Variants in SORCS2 observed in about 807,000 individuals in gnomAD.
SORCS2 encodes the protein VPS10 domain-containing receptor SorCS2.
SORCS2 carries 100 observed loss-of-function variants against 141.6 expected under a neutral mutation model. That is an observed-to-expected ratio of 0.71 (90% CI 0.60 to 0.83). The LOEUF is 0.83. Among genes scored for constraint, SORCS2 ranks in the 40% least tolerant of loss-of-function variants. SORCS2 has a pLI of 0.00. For synonymous variants in SORCS2, 789 were observed against 676.9 expected, an observed-to-expected ratio of 1.17 and a Z score of -2.57; for missense variants, 1,646 against 1,560.2, an observed-to-expected ratio of 1.05 and a Z score of -0.93.
chr4:7,498,582 G>C (rs1731772786), intron 2 of SORCS2, among the ~76,000 whole-genome samples: 1 of 152,244 alleles, frequency 6.6e-6, no homozygotes, highest in African/African-American at 2.4e-5. Flanking sequence ...AGGCAGAGCT[G>C]GGTGAGGCCC....
intron 1 of SORCS2, among the ~76,000 whole-genome samples, chr4:7,288,014 C>G (rs1716340997): frequency 6.6e-6 from 1 of 152,216 alleles, no homozygotes; most frequent in Non-Finnish European, 1.5e-5. Context: ...GCGTTGCTGT[C>G]CCCGCCGTCG....
chr4:7,693,018 G>A (rs1455315501), intron 11 of SORCS2, among the ~76,000 whole-genome samples: 1 of 152,172 alleles, frequency 6.6e-6, no homozygotes, highest in East Asian at 1.9e-4. Context: ...CCCCCCGGTG[G>A]AGAATCAGCC....
chr4:7,297,482 C>T (rs927069066), intron 1 of SORCS2, among the ~76,000 whole-genome samples: 48 of 152,090 alleles, frequency 3.2e-4, no homozygotes, highest in African/African-American at 1.1e-3. Context: ...GGGAAGCTGC[C>T]TCTGCTCCTT....
chr4:7,578,078 G>A (rs1715886133), intron 3 of SORCS2, among the ~76,000 whole-genome samples: 1 of 152,192 alleles, frequency 6.6e-6, no homozygotes, highest in South Asian at 2.1e-4. Context: ...AGGCTCATGA[G>A]GATGGATCCC....
At chr4:7,434,091 C>G (rs1727098320) in intron 2 of SORCS2, 4 of 1,611,556 alleles carry the variant, frequency 2.5e-6, no homozygotes, top group African/African-American at 2.7e-5. Flanking sequence ...CTACTTGAGT[C>G]AAACGGGCAG....
chr4:7,229,411 C>T (rs1331045680), intron 1 of SORCS2, among the ~76,000 whole-genome samples: 1 of 152,200 alleles, frequency 6.6e-6, no homozygotes, highest in African/African-American at 2.4e-5. Context: ...GGACTCCATC[C>T]TCTTCCCTTG....
chr4:7,659,591 C>A (rs972859846), intron 5 of SORCS2, among the ~76,000 whole-genome samples: 8 of 152,234 alleles, frequency 5.3e-5, no homozygotes, highest in Non-Finnish European at 8.8e-5. Flanking sequence ...GCTGCCTCTG[C>A]AGCACTGAGA....
At chr4:7,383,073 C>T (rs1400050447) in intron 1 of SORCS2, among the ~76,000 whole-genome samples, 1 of 152,128 alleles carries the variant, frequency 6.6e-6, no homozygotes, top group East Asian at 1.9e-4. Flanking sequence ...TTCGATCCCA[C>T]GGAGTCCTCA....
At chr4:7,566,600 A>G (rs1192759595) in intron 3 of SORCS2, among the ~76,000 whole-genome samples, 1 of 152,262 alleles carries the variant, frequency 6.6e-6, no homozygotes, top group Non-Finnish European at 1.5e-5. Flanking sequence ...GTTCAACACA[A>G]CACAAGATCA....
At chr4:7,646,819 T>TA (rs1721112585) in intron 4 of SORCS2, among the ~76,000 whole-genome samples, 1 of 152,158 alleles carries the variant, frequency 6.6e-6, no homozygotes, top group African/African-American at 2.4e-5. Flanking sequence ...GGTACGTTGT[T>TA]ACGGAAGCCC....
chr4:7,731,457 A>G (rs535729239), intron 23 of SORCS2, among the ~76,000 whole-genome samples: 2 of 151,972 alleles, frequency 1.3e-5, no homozygotes, highest in East Asian at 3.9e-4. Flanking sequence ...ACAGAAATAG[A>G]AAAAAAAATC....
intron 8 of SORCS2, among the ~76,000 whole-genome samples, chr4:7,673,549 A>G (rs755480861): frequency 1.3e-5 from 2 of 152,230 alleles, no homozygotes; most frequent in Non-Finnish European, 1.5e-5. Flanking sequence ...ACTATAAACT[A>G]CACATGAAAA....
intron 3 of SORCS2, among the ~76,000 whole-genome samples, chr4:7,562,210 G>T (rs1490549360): frequency 1.3e-5 from 2 of 152,174 alleles, no homozygotes; most frequent in Non-Finnish European, 2.9e-5. Context: ...GGAGGTCAGG[G>T]TTCTCTGAAG....
chr4:7,672,654 C>G (rs1486107350), intron 8 of SORCS2, among the ~76,000 whole-genome samples: 1 of 152,166 alleles, frequency 6.6e-6, no homozygotes, highest in South Asian at 2.1e-4. Flanking sequence ...CTGACAGTCT[C>G]ACTTCCTCAC....
intron 1 of SORCS2, among the ~76,000 whole-genome samples, chr4:7,322,295 G>A (rs1050902683): frequency 2.6e-5 from 4 of 152,124 alleles, no homozygotes; most frequent in Admixed American, 2.0e-4. Context: ...GAGGAGCCTC[G>A]TGGTGGCCAT....
At chr4:7,330,325 C>A (rs1719573747) in intron 1 of SORCS2, among the ~76,000 whole-genome samples, 1 of 152,022 alleles carries the variant, frequency 6.6e-6, no homozygotes, top group Non-Finnish European at 1.5e-5. Flanking sequence ...ACATGGACAC[C>A]TTTTAGGGGC....
At chr4:7,440,245 A>G (rs1320954311) in intron 2 of SORCS2, among the ~76,000 whole-genome samples, 1 of 152,194 alleles carries the variant, frequency 6.6e-6, no homozygotes, top group African/African-American at 2.4e-5. Flanking sequence ...CCTGACCTGG[A>G]GTCTGGGACC....
intron 1 of SORCS2, among the ~76,000 whole-genome samples, chr4:7,366,773 C>T (rs1326602683): frequency 1.3e-5 from 2 of 152,112 alleles, no homozygotes; most frequent in African/African-American, 4.8e-5. Context: ...CCCCCCCAAC[C>T]CCCAACAGCT....
chr4:7,739,019 C>T (rs958155274), intron 26 of SORCS2, among the ~76,000 whole-genome samples: 20 of 152,296 alleles, frequency 1.3e-4, no homozygotes, highest in Non-Finnish European at 1.8e-4. Context: ...CTTCACGGAG[C>T]GCTCGCTCTG....
Sources: allele counts gnomAD v4.1 joint callset (sites outside exome capture counted in the v4.1 genomes callset), GRCh38; gene constraint gnomAD v4.1.1; transcripts MANE v1.5; gene names NCBI Gene and HGNC (gene_info 2026-07-23, HGNC 2026-07-21).